The following DUS1L variants were observed in gnomAD, a reference collection of about 807,000 sequenced individuals.
DUS1L encodes dihydrouridine synthase 1 like, also known as tRNA-dihydrouridine(16/17) synthase [NAD(P)(+)]-like.
In DUS1L, 56 loss-of-function variants were observed where a neutral mutation model predicts 61.2. The observed-to-expected ratio is 0.92, with a 90% CI of 0.74 to 1.14. DUS1L has a LOEUF of 1.14. DUS1L is among the 50% of genes most tolerant of loss of function. The probability of loss-of-function intolerance (pLI) is 0.00; values close to 1 mark genes in which losing one functional copy is unlikely to be tolerated. For synonymous variants in DUS1L, 278 were observed against 259.5 expected (o/e 1.07, Z -0.69); for missense variants, 630 against 632.4 (o/e 1.00, Z 0.04).
In DUS1L at chr17:82,061,273, C is replaced by T. The variant is rs201410540; in HGVS notation, c.778G>A (p.Val260Met). ...GACAGGGGGCAGGGGTGCTCCCGCA[C>T]GATGTCCAGATACTCCTCGGCCAGC... The part of the protein sequence containing the change: ...WELAEEYLDI[V>M]REHPCPLSYV... The change falls in exon 8 of 14, where the codon GTG (valine) becomes ATG (methionine). Residue 260 changes from valine (V) to methionine (M), a missense_variant. Coordinates refer to ENST00000306796, the MANE Select transcript of DUS1L (RefSeq NM_022156.5). The T allele has an allele frequency of 1.5e-5, 24 of 1,611,178 alleles. No homozygotes were observed. The highest frequency in any genetic ancestry group is 2.0e-5 in the Non-Finnish European group (23 of 1,178,964).
rs372912714 is a variant in DUS1L at position 82,058,410 on chromosome 17, T to C, written c.1213A>G (p.Arg405Gly). The change falls in exon 13 of 14, where the codon AGA (arginine) becomes GGA (glycine). Residue 405 changes from arginine to glycine, a missense_variant. Physicochemically the swap from Arg to Gly is moderately radical, Grantham distance 125 (BLOSUM62 -2). Transcript: ENST00000306796. ...CDQCGNPKGNRCVFSLCRGCC... is the reference protein window; with the variant it reads ...CDQCGNPKGNGCVFSLCRGCC... ...CCGCGGCACAGGCTGAACACACATC[T>C]GTTGCCCTGGGCACAGGAAATCTCG... is the stretch of plus-strand genomic sequence containing the variant. 3 of 1,490,458 alleles carry C rather than the reference T, an allele frequency of 2.0e-6. No homozygotes were observed. The African/African-American group carries it at 4.2e-5, about 21-fold the overall frequency. The allele number at this position is 1,490,458 out of a possible 1,614,324, so 92.3% of individuals were successfully genotyped here.
rs1310032301 is a variant in DUS1L at position 82,058,113 on chromosome 17, C to T, written c.*2G>A. On this transcript the variant is annotated 3_prime_UTR_variant, in exon 14 of 14. Transcript: ENST00000306796. The stretch of plus-strand genomic sequence containing the variant: ...AGTCCTGGGGGTGGGGGTTGTGGGC[C>T]TTCAGGCCAGGGCACTGCCCATGAC... The T allele has an allele frequency of 6.5e-7, 1 of 1,542,778 alleles. No individual in the cohort carries two copies.
rs1174524958 is a variant in DUS1L, at chr17:82,057,894, TTTATTGTTCACTTTTGCACAC to T, written c.*200_*220del. 5 of 427,522 alleles carry T rather than the reference TTTATTGTTCACTTTTGCACAC, an allele frequency of 1.2e-5. No homozygotes were observed. Among genetic ancestry groups the T allele is most frequent in the Non-Finnish European group, 2.0e-5 (5 of 246,874 alleles). 26.5% of individuals were successfully genotyped at this position (427,522 alleles called of 1,614,324 possible). A position where few individuals can be genotyped will look rare whatever the true frequency, so the allele number is the denominator to read the frequency against. ...GTGGGCTCTCGCATCTTTGAAATGATTTATTGTTCACTTTTGCACACGCGTGCTGAGGACAGGGCAGGTCCA... is the reference window on the plus strand; with the variant it reads ...GTGGGCTCTCGCATCTTTGAAATGATGCGTGCTGAGGACAGGGCAGGTCCA... On this transcript the variant is annotated 3_prime_UTR_variant, in exon 14 of 14. Transcript: ENST00000306796.
chr17:82,059,032 T>C (rs932278120), intron 11 of DUS1L: 6 of 582,810 alleles, frequency 1.0e-5, no homozygotes, highest in African/African-American at 3.7e-5. Flanking sequence ...GGCACCATCC[T>C]GCAGGAAACG....
rs1048848849 is a variant in DUS1L at position 82,065,801 on chromosome 17, C to T, written c.-199G>A. On this transcript the variant is annotated 5_prime_UTR_variant, in exon 1 of 14. Transcript: ENST00000306796. ...AGCCGGGCCCAAGGCTCCGCGCCGCCACCGGAAGGTGCCCGGTCCTGCGCG... is the reference window on the plus strand; with the variant it reads ...AGCCGGGCCCAAGGCTCCGCGCCGCTACCGGAAGGTGCCCGGTCCTGCGCG... 5.3e-5 allele frequency: 8 copies of T among 150,240 alleles called. No homozygotes were observed. Among genetic ancestry groups the T allele is most frequent in the African/African-American group, 1.9e-4 (8 of 41,190 alleles). The allele number at this position is 150,240 out of a possible 1,614,324, so 9.3% of individuals were successfully genotyped here. A position where few individuals can be genotyped will look rare whatever the true frequency, so the allele number is the denominator to read the frequency against.
rs192769875 is a variant in DUS1L at position 82,057,825 on chromosome 17, C to T, written c.*290G>A. 17 of 305,840 alleles carry T rather than the reference C, an allele frequency of 5.6e-5. No individual in the cohort carries two copies. Among genetic ancestry groups the T allele is most frequent in the Middle Eastern group, 9.0e-4 (1 of 1,112 alleles). 18.9% of individuals were successfully genotyped at this position (305,840 alleles called of 1,614,324 possible). On this transcript the variant is annotated 3_prime_UTR_variant, in exon 14 of 14. Coordinates refer to ENST00000306796, the MANE Select transcript of DUS1L (RefSeq NM_022156.5). The stretch of plus-strand genomic sequence containing the variant: ...CCACTGGCCCCAACCGCACCTGCCC[C>T]GGCTCATGCCTCCCTGGGTCTGAGA...
Position 82,061,371 on chromosome 17 carries a change from G to A in DUS1L, c.698-18C>T, listed in dbSNP as rs1366611642. 6.4e-7 allele frequency: 1 copy of A among 1,558,426 alleles called. No individual in the cohort carries two copies. Among genetic ancestry groups the A allele is most frequent in the Non-Finnish European group, 8.7e-7 (1 of 1,148,688 alleles). ...GTTGCCCTCTGTGGGAGGAGGAGCGGGGAAGGACACCTCGTGGGTTGCTCC... is the reference window on the plus strand; with the variant it reads ...GTTGCCCTCTGTGGGAGGAGGAGCGAGGAAGGACACCTCGTGGGTTGCTCC... On this transcript the variant is annotated intron_variant, in intron 7 of 13. Coordinates refer to ENST00000306796, the MANE Select transcript of DUS1L (RefSeq NM_022156.5).
intron 2 of DUS1L, 40 bp from the exon 3 acceptor site, chr17:82,064,274 C>T (rs2033656303): frequency 6.4e-7 from 1 of 1,564,246 alleles, no homozygotes. Context: ...CCCAGCCAGG[C>T]CCTAGTCCCT....
intron 9 of DUS1L, 32 bp from the exon 10 acceptor site, chr17:82,060,815 C>T (rs769500876): frequency 2.3e-5 from 37 of 1,611,530 alleles, no homozygotes; most frequent in Non-Finnish European, 3.1e-5. Flanking sequence ...GTCATGGCCC[C>T]AGCCCCTCAC....
At chr17:82,059,163 C>T (rs1014210049) in intron 11 of DUS1L, 8 of 281,868 alleles carry the variant, frequency 2.8e-5, no homozygotes, top group Non-Finnish European at 5.5e-5. Flanking sequence ...GTTCCATGCC[C>T]TTCAGTTCCA....
chr17:82,060,159 C>A, intron 10 of DUS1L, 66 bp from the exon 11 acceptor site: 1 of 1,564,150 alleles, frequency 6.4e-7, no homozygotes, highest in Non-Finnish European at 8.6e-7. Flanking sequence ...CACAGCCACA[C>A]GGGTCTGAGT....
Position 82,058,422 on chromosome 17 carries a change from C to T in DUS1L, c.1207-6G>A, listed in dbSNP as rs2033187509. 1 of 1,483,764 alleles carries T rather than the reference C, an allele frequency of 6.7e-7. No individual in the cohort carries two copies. The highest frequency in any genetic ancestry group is 9.0e-7 in the Non-Finnish European group (1 of 1,115,670). The allele number at this position is 1,483,764 out of a possible 1,614,324, so 91.9% of individuals were successfully genotyped here. On this transcript the variant is annotated splice_polypyrimidine_tract_variant and splice_region_variant and intron_variant, in intron 12 of 13. Transcript: ENST00000306796. ...CTGAACACACATCTGTTGCCCTGGG[C>T]ACAGGAAATCTCGGGAGCCTGTGGC...
chr17:82,060,306 C>A, intron 10 of DUS1L: 1 of 651,894 alleles, frequency 1.5e-6, no homozygotes, highest in Non-Finnish European at 2.6e-6. Flanking sequence ...CGGGCAGCCC[C>A]AAGCTCTGAA....
At chr17:82,060,356 A>G (rs2033420462) in intron 10 of DUS1L, 2 of 584,866 alleles carry the variant, frequency 3.4e-6, no homozygotes, top group Non-Finnish European at 3.0e-6. Flanking sequence ...GGATGGCCTC[A>G]CCTCTGAGAA....
chr17:82,062,764 C>T (rs942496694), intron 5 of DUS1L, 97 bp downstream of exon 5: 59 of 1,109,576 alleles, frequency 5.3e-5, no homozygotes, highest in African/African-American at 3.3e-4. Context: ...ATGAGGCCGA[C>T]GGTGCACGGT....
At chr17:82,059,161 C>T (rs1390158425) in intron 11 of DUS1L, 4 of 284,138 alleles carry the variant, frequency 1.4e-5, no homozygotes, top group African/African-American at 2.1e-5. Context: ...GGGTTCCATG[C>T]CCTTCAGTTC....
chr17:82,058,748 A>C (rs759735255), intron 12 of DUS1L, 33 bp downstream of exon 12: 1 of 1,613,014 alleles, frequency 6.2e-7, no homozygotes, highest in Non-Finnish European at 8.5e-7. Context: ...CCAAAGCTGA[A>C]GCCTTGGTGG....
Position 82,062,793 on chromosome 17 carries a change from C to T in DUS1L, c.510+68G>A, listed in dbSNP as rs2033573417. On this transcript the variant is annotated intron_variant, in intron 5 of 13. Transcript: ENST00000306796. The stretch of plus-strand genomic sequence containing the variant: ...GCACGGTGTCTGGACACAGGAAGAG[C>T]CTCAGCTATGTCCTCTGCGCAAAGG... The T allele has an allele frequency of 1.4e-5, 19 of 1,379,106 alleles. No homozygotes were observed. The East Asian group carries it at 2.8e-4, about 20-fold the overall frequency. 85.4% of individuals were successfully genotyped at this position (1,379,106 alleles called of 1,614,324 possible).
chr17:82,065,431 G>T (rs2033725304), intron 1 of DUS1L, 182 bp downstream of exon 1: 2 of 214,664 alleles, frequency 9.3e-6, no homozygotes, highest in Admixed American at 1.1e-4. Flanking sequence ...GCCCCTTCCC[G>T]GGAGAATCGG....
Sources: gnomAD v4.1 joint callset for allele counts on GRCh38, gnomAD v4.1.1 for gene constraint, MANE v1.5 for transcripts, NCBI Gene and HGNC (gene_info 2026-07-23, HGNC 2026-07-21) for gene names.